A2ML1: variants seen among roughly 807,000 people sequenced by gnomAD.
The protein encoded by A2ML1 is alpha-2-macroglobulin-like protein 1.
A2ML1 carries 161 observed loss-of-function variants against 181.9 expected under a neutral mutation model. That is an observed-to-expected ratio of 0.89 (90% confidence interval 0.78 to 1.01). A2ML1 has a LOEUF of 1.01. Ranked by LOEUF, A2ML1 falls within the 50% of genes least tolerant of loss-of-function variation. A2ML1 has a pLI of 0.00. For synonymous variants in A2ML1, 663 were observed against 666.8 expected, an observed-to-expected ratio of 0.99 and a Z score of 0.09; for missense variants, 1,670 against 1,768.1, an observed-to-expected ratio of 0.94 and a Z score of 1.00.
rs150943011 is a variant in A2ML1 at position 8,871,076 on chromosome 12, C to G, written c.4221+1873C>G. Reference sequence around the variant, plus strand: ...GTCCCTCTAGGTACATGCCATCCCTCTCCCACAATCTCAGACAAGCAATGT... The same window carrying G: ...GTCCCTCTAGGTACATGCCATCCCTGTCCCACAATCTCAGACAAGCAATGT... On this transcript the variant is annotated intron_variant, in intron 33 of 35. Transcript: ENST00000299698. 3.4e-3 allele frequency among the ~76,000 whole-genome samples: 522 copies of G among 152,282 alleles called. 4 individuals are homozygous for G. The highest frequency in any genetic ancestry group is 0.012 in the African/African-American group (502 of 41,562).
intron 21 of A2ML1, 40 bp from the exon 22 acceptor site, chr12:8,854,740 T>G: frequency 6.2e-7 from 1 of 1,612,282 alleles, no homozygotes; most frequent in Admixed American, 1.7e-5. Context: ...CTCCTGATGT[T>G]CATCTTTGTT....
chr12:8,865,338 G>A (rs1944389784), intron 29 of A2ML1, among the ~76,000 whole-genome samples: 2 of 151,244 alleles, frequency 1.3e-5, no homozygotes, highest in South Asian at 2.1e-4. Context: ...TCGGGAGTTC[G>A]AGACCAGCCT....
intron 1 of A2ML1, 107 bp downstream of exon 1, chr12:8,822,820 T>C: frequency 9.8e-7 from 1 of 1,024,014 alleles, no homozygotes; most frequent in African/African-American, 1.6e-5. Context: ...TTATCTTAAT[T>C]TCCTCCTCCT....
intron 4 of A2ML1, 151 bp downstream of exon 4, chr12:8,829,930 C>A (rs779138035): frequency 3.4e-6 from 3 of 870,472 alleles, no homozygotes; most frequent in East Asian, 2.6e-5. Context: ...AAGTGCTGGG[C>A]GAGCTTCAGG....
chr12:8,861,596 T>A (rs1191208926), intron 28 of A2ML1, among the ~76,000 whole-genome samples: 1 of 152,086 alleles, frequency 6.6e-6, no homozygotes. Flanking sequence ...CACGCCATTC[T>A]CCTGCCTCAG....
chr12:8,837,891 GA>G lies in A2ML1; in HGVS notation c.855+343del, dbSNP rs151300022. On this transcript the variant is annotated intron_variant, in intron 8 of 35. Coordinates refer to ENST00000299698, the MANE Select transcript of A2ML1 (RefSeq NM_144670.6). ...CAACACTCAGTCCCCCTCCCCCACC[GA>G]AAAAAAAAAAAAAAAAAGAACGTAT... 1.0e-2 allele frequency among the ~76,000 whole-genome samples: 1,032 copies of G among 103,672 alleles called. 11 individuals are homozygous for G. The highest frequency in any genetic ancestry group is 0.01 in the Non-Finnish European group (527 of 50,622). The allele number at this position is 103,672 out of a possible 152,430, so 68.0% of individuals were successfully genotyped here. A position where few individuals can be genotyped will look rare whatever the true frequency, so the allele number is the denominator to read the frequency against.
chr12:8,850,303 G>T, intron 18 of A2ML1, 29 bp downstream of exon 18: 1 of 1,560,400 alleles, frequency 6.4e-7, no homozygotes, highest in South Asian at 1.2e-5. Context: ...GTACAGTAAA[G>T]GGCCAGGTGC....
intron 4 of A2ML1, among the ~76,000 whole-genome samples, chr12:8,833,285 C>T (rs991684518): frequency 2.0e-5 from 3 of 151,888 alleles, no homozygotes; most frequent in African/African-American, 7.3e-5. Context: ...AGCAATGCTA[C>T]TTTCCTAGTG....
rs1052149878 is a variant in A2ML1 at position 8,868,296 on chromosome 12, G to C, written c.4000G>C (p.Gly1334Arg). The change falls in exon 31 of 36, where the codon GGA becomes CGA. Residue 1334 changes from glycine to arginine, a missense_variant. Gly to Arg is a moderately radical substitution (Grantham distance 125). Coordinates refer to ENST00000299698, the MANE Select transcript of A2ML1 (RefSeq NM_144670.6). ...MKTFSLSVEIGKARCEQPTSP... is the reference protein window; with the variant it reads ...MKTFSLSVEIRKARCEQPTSP... The stretch of plus-strand genomic sequence containing the variant: ...GACCTTTAGTCTTAGTGTGGAAATA[G>C]GAAAAGCTAGATGTGAGCAACCGAC... 3 of 1,613,860 alleles carry C rather than the reference G, an allele frequency of 1.9e-6. No individual in the cohort carries two copies. The highest frequency in any genetic ancestry group is 2.5e-6 in the Non-Finnish European group (3 of 1,180,012).
chr12:8,857,076 T>C, intron 23 of A2ML1, 88 bp from the exon 24 acceptor site: 2 of 1,294,758 alleles, frequency 1.5e-6, no homozygotes, highest in South Asian at 2.8e-5. Context: ...TGATAGCTAA[T>C]ACGTGTTTGT....
At chr12:8,839,312 A>T in intron 10 of A2ML1, 90 bp downstream of exon 10, 2 of 826,916 alleles carry the variant, frequency 2.4e-6, no homozygotes, top group South Asian at 3.3e-5. Context: ...TAGCTAACTT[A>T]GTGCTGTTCC....
At chr12:8,844,988 C>G in intron 12 of A2ML1, 2 of 1,363,052 alleles carry the variant, frequency 1.5e-6, no homozygotes, top group East Asian at 5.5e-5. Flanking sequence ...GAGGAGATTT[C>G]TCCTCTAGAG....
At chr12:8,835,905 C>T (rs1047009641) in intron 6 of A2ML1, among the ~76,000 whole-genome samples, 4 of 150,596 alleles carry the variant, frequency 2.7e-5, no homozygotes, top group Non-Finnish European at 5.9e-5. Flanking sequence ...CTCAGCTACT[C>T]GGGAGGCTGA....
At chr12:8,858,886 A>G (rs900166803) in intron 26 of A2ML1, among the ~76,000 whole-genome samples, 7 of 152,120 alleles carry the variant, frequency 4.6e-5, no homozygotes, top group Non-Finnish European at 1.0e-4. Flanking sequence ...AGGCAGCCCA[A>G]CGTCTTTTGT....
At chr12:8,853,208 T>C (rs1194914097) in intron 20 of A2ML1, among the ~76,000 whole-genome samples, 1 of 151,602 alleles carries the variant, frequency 6.6e-6, no homozygotes, top group African/African-American at 2.4e-5. Context: ...CCCAGGCTGT[T>C]CTCAAACTCC....
rs11612600 is a variant in A2ML1, at chr12:8,858,075, G to C, written c.3237G>C (p.Val1079=). 1 of 1,613,838 alleles carries C rather than the reference G, an allele frequency of 6.2e-7. No homozygotes were observed. The highest frequency in any genetic ancestry group is 1.1e-5 in the South Asian group (1 of 91,080). ...TCCCCAGTGGCTGCTATGCCAACGT[G>C]GGAAATCTCCTTCACACAGCTATGA... ...NQLPSGCYAN[V]GNLLHTAMKG... The change falls in exon 26 of 36, where the codon GTG becomes GTC. Residue 1079 remains valine, a synonymous_variant. Transcript: ENST00000299698.
At chr12:8,855,635 T>G (rs1944039336) in intron 23 of A2ML1, 43 bp downstream of exon 23, 2 of 1,600,130 alleles carry the variant, frequency 1.2e-6, no homozygotes, top group Non-Finnish European at 1.7e-6. Flanking sequence ...AAAAGGCGAA[T>G]GGAGGCTGCA....
chr12:8,851,010 A>G (rs1366904413), intron 18 of A2ML1, among the ~76,000 whole-genome samples: 2 of 152,180 alleles, frequency 1.3e-5, no homozygotes, highest in Non-Finnish European at 2.9e-5. Context: ...AAGTGTTGGG[A>G]TTACAGGTGT....
At chr12:8,853,491 A>G (rs1488146085) in intron 20 of A2ML1, among the ~76,000 whole-genome samples, 1 of 152,214 alleles carries the variant, frequency 6.6e-6, no homozygotes, top group Non-Finnish European at 1.5e-5. Flanking sequence ...TTAGCTGGGT[A>G]CCTCTGGCTC....
Sources: gnomAD v4.1 joint callset for allele counts (sites outside exome capture counted in the v4.1 genomes callset) on GRCh38, gnomAD v4.1.1 for gene constraint, MANE v1.5 for transcripts, NCBI Gene and HGNC (gene_info 2026-07-23, HGNC 2026-07-21) for gene names.